PIK3R3: variants seen among roughly 807,000 people sequenced by gnomAD.
PIK3R3 encodes phosphoinositide-3-kinase regulatory subunit 3, also known as phosphatidylinositol 3-kinase regulatory subunit gamma.
Under a neutral mutation model 62.9 loss-of-function variants are expected in PIK3R3, and 64 were observed. The observed-to-expected ratio is 1.02, with a 90% CI of 0.83 to 1.25. The LOEUF is 1.25. PIK3R3 is among the 50% of genes most tolerant of loss of function. The probability of loss-of-function intolerance (pLI) is 0.00; values close to 1 mark genes in which losing one functional copy is unlikely to be tolerated. For missense variants in PIK3R3, 614 were observed against 561.6 expected (o/e 1.09, Z -0.94); for synonymous variants, 165 against 189.0 (o/e 0.87, Z 1.04).
chr1:46,049,816 TA>T lies in PIK3R3; in HGVS notation c.942-3192del, dbSNP rs369486259. Among the ~76,000 whole-genome samples, 308 of 147,642 alleles carry T rather than the reference TA, an allele frequency of 2.1e-3. 1 individual carries two copies. Among genetic ancestry groups the T allele is most frequent in the African/African-American group, 4.4e-3 (180 of 40,718 alleles). ...AGTGGGAGCTTGGAATAAATTTAATTAAAAAAAAAAATGAGGAATGGAGCTG... is the reference window on the plus strand; with the variant it reads ...AGTGGGAGCTTGGAATAAATTTAATTAAAAAAAAAATGAGGAATGGAGCTG... On this transcript the variant is annotated intron_variant, in intron 7 of 9. Transcript: ENST00000262741.
chr1:46,124,668 T>A (rs1185009350), intron 1 of PIK3R3, among the ~76,000 whole-genome samples: 78 of 150,900 alleles, frequency 5.2e-4, no homozygotes, highest in Non-Finnish European at 5.9e-5. Context: ...TGGTGGCACA[T>A]GCCTGTAATC....
chr1:46,068,617 G>C (rs766720938), intron 3 of PIK3R3, among the ~76,000 whole-genome samples: 1 of 152,232 alleles, frequency 6.6e-6, no homozygotes, highest in Non-Finnish European at 1.5e-5. Context: ...CATTTGAACA[G>C]AGTTCTAAGT....
intron 6 of PIK3R3, 150 bp from the exon 7 acceptor site, chr1:46,056,121 G>A: frequency 2.0e-6 from 1 of 491,274 alleles, no homozygotes; most frequent in Admixed American, 4.2e-5. Flanking sequence ...CATGATCTCG[G>A]CTCACTGCAA....
intron 1 of PIK3R3, among the ~76,000 whole-genome samples, chr1:46,081,719 T>C (rs907915413): frequency 2.0e-5 from 3 of 152,180 alleles, no homozygotes; most frequent in Non-Finnish European, 4.4e-5. Flanking sequence ...CCTTGCTTTC[T>C]AATACCATTC....
chr1:46,159,088 A>AAAAT, the PIK3R3 span, among the ~76,000 whole-genome samples: 3,056 of 148,468 alleles, frequency 0.021, 45 homozygotes, highest in Middle Eastern at 0.066. Flanking sequence ...CTCCATCTCA[A>AAAAT]AAATAAATAA....
At position 46,132,169 on chromosome 1, in the gene PIK3R3, G is replaced by C; in HGVS notation, c.-217C>G. ...AAATGCCCCCGAACTTTCAAGCTAT[G>C]GGCTTTTCTCCTCAGAGGATTACAC... On this transcript the variant is annotated 5_prime_UTR_variant, in exon 1 of 10. Coordinates refer to ENST00000262741, the MANE Select transcript of PIK3R3 (RefSeq NM_003629.4). The C allele has an allele frequency of 7.5e-7, 1 of 1,328,874 alleles. No individual in the cohort carries two copies. Among genetic ancestry groups the C allele is most frequent in the South Asian group, 1.7e-5 (1 of 60,456 alleles). The allele number at this position is 1,328,874 out of a possible 1,614,324, so 82.3% of individuals were successfully genotyped here.
chr1:46,138,313 C>T, the PIK3R3 span, among the ~76,000 whole-genome samples: 388 of 152,292 alleles, frequency 2.5e-3, 1 homozygote, highest in African/African-American at 8.6e-3. Flanking sequence ...TTATACGTTT[C>T]ATTGTTAGAG....
At chr1:46,155,633 G>A in the PIK3R3 span, among the ~76,000 whole-genome samples, 29 of 151,774 alleles carry the variant, frequency 1.9e-4, 1 homozygote, top group Admixed American at 5.9e-4. Flanking sequence ...TTTTTTGTTT[G>A]TTTGTTTTTG....
rs548351877 is a variant in PIK3R3 at position 46,069,547 on chromosome 1, G to A, written c.315-2456C>T. The stretch of plus-strand genomic sequence containing the variant: ...AAAAAAAAAAAGAATATGTTTAAAG[G>A]GGGAAAAAGTTTGGTTTTAGACACT... On this transcript the variant is annotated intron_variant, in intron 3 of 9. Transcript: ENST00000262741. Among the ~76,000 whole-genome samples, 143 of 152,118 alleles carry A rather than the reference G, an allele frequency of 9.4e-4. 2 individuals carry two copies. In the South Asian group the frequency reaches 0.028, roughly 30 times the overall value.
chr1:46,113,359 A>G (rs549272972), intron 1 of PIK3R3, among the ~76,000 whole-genome samples: 1 of 146,032 alleles, frequency 6.8e-6, no homozygotes, highest in South Asian at 2.1e-4. Context: ...GAGTGCAATG[A>G]CCCAATCATA....
chr1:46,148,848 C>G, the PIK3R3 span, among the ~76,000 whole-genome samples: 1 of 151,978 alleles, frequency 6.6e-6, no homozygotes, highest in Non-Finnish European at 1.5e-5. Context: ...AAATGACTTT[C>G]TCCATCAACC....
intron 1 of PIK3R3, among the ~76,000 whole-genome samples, chr1:46,094,663 T>C (rs1185372422): frequency 2.0e-5 from 3 of 152,254 alleles, no homozygotes; most frequent in Admixed American, 6.5e-5. Context: ...ACTTTGCTCA[T>C]GCATGGACAA....
At chr1:46,090,005 G>A (rs948319548) in intron 1 of PIK3R3, among the ~76,000 whole-genome samples, 2 of 152,296 alleles carry the variant, frequency 1.3e-5, no homozygotes, top group Non-Finnish European at 2.9e-5. Context: ...GGCCGGAAGA[G>A]TTAAGTGTTG....
the PIK3R3 span, among the ~76,000 whole-genome samples, chr1:46,174,627 A>T: frequency 6.6e-6 from 1 of 152,124 alleles, no homozygotes; most frequent in East Asian, 1.9e-4. Context: ...CATATTCGAG[A>T]CAGAGTCCTA....
chr1:46,062,108 A>G, intron 5 of PIK3R3, 37 bp from the exon 6 acceptor site: 2 of 1,551,760 alleles, frequency 1.3e-6, no homozygotes, highest in Non-Finnish European at 1.7e-6. Flanking sequence ...AGGCTTCATT[A>G]TCTTTATTAT....
chr1:46,169,576 G>T, the PIK3R3 span, among the ~76,000 whole-genome samples: 106 of 152,258 alleles, frequency 7.0e-4, no homozygotes, highest in Non-Finnish European at 1.1e-3. Context: ...GAGATTTGAG[G>T]CCCAGAGATG....
chr1:46,154,877 C>T, the PIK3R3 span, among the ~76,000 whole-genome samples: 1 of 152,216 alleles, frequency 6.6e-6, no homozygotes, highest in African/African-American at 2.4e-5. Context: ...CAAATTTCAC[C>T]TCCTCAAAAT....
chr1:46,133,052 C>G (rs546731816), upstream of PIK3R3: 5 of 1,019,930 alleles, frequency 4.9e-6, no homozygotes, highest in South Asian at 1.7e-4. Flanking sequence ...AGCCTGGAGC[C>G]TGCGTCTTTT....
At chr1:46,137,773 A>T (rs1655982725), upstream of PIK3R3, among the ~76,000 whole-genome samples, 4 of 152,372 alleles carry the variant, frequency 2.6e-5, no homozygotes, top group South Asian at 8.3e-4. Flanking sequence ...CCTGGCACAC[A>T]GTGGGTAGCC....
Sources: gnomAD v4.1 joint callset for allele counts (sites outside exome capture counted in the v4.1 genomes callset) on GRCh38, gnomAD v4.1.1 for gene constraint, MANE v1.5 for transcripts, NCBI Gene and HGNC (gene_info 2026-07-23, HGNC 2026-07-21) for gene names.